MARS1: variants seen among roughly 807,000 people sequenced by gnomAD.
The protein encoded by MARS1 is methionyl-tRNA synthetase 1, also known as methionine--tRNA ligase, cytoplasmic.
In MARS1, 80 loss-of-function variants were observed where a neutral mutation model predicts 119.5. The ratio of observed to expected loss-of-function variants is 0.67; its 90% CI spans 0.56 to 0.81. The LOEUF (loss-of-function observed/expected upper bound fraction) is 0.81. Ranked by LOEUF, MARS1 falls within the 30% of genes least tolerant of loss-of-function variation. The pLI is 0.00. For missense variants in MARS1, 945 were observed against 1,116.5 expected, an observed-to-expected ratio of 0.85 and a Z score of 2.19; for synonymous variants, 418 against 433.4, an observed-to-expected ratio of 0.96 and a Z score of 0.44.
At chr12:57,506,104 A>G (rs1877167717) in intron 11 of MARS1, among the ~76,000 whole-genome samples, 1 of 152,122 alleles carries the variant, frequency 6.6e-6, no homozygotes, top group Non-Finnish European at 1.5e-5. Flanking sequence ...CAAAAAATAC[A>G]GAAGTTAACT....
chr12:57,508,333 G>A (rs377643001), intron 11 of MARS1, among the ~76,000 whole-genome samples: 7 of 151,950 alleles, frequency 4.6e-5, no homozygotes, highest in African/African-American at 1.5e-4. Context: ...AGGTTGTAGC[G>A]AGCCGAGATC....
intron 11 of MARS1, among the ~76,000 whole-genome samples, chr12:57,509,775 G>C (rs915800216): frequency 6.6e-6 from 1 of 152,064 alleles, no homozygotes. Flanking sequence ...AGAGTTCTTC[G>C]TCACTTTCTC....
At position 57,507,966 on chromosome 12, in the gene MARS1, G is replaced by A. The variant is rs570628946; in HGVS notation, c.1368+3667G>A. On this transcript the variant is annotated intron_variant, in intron 11 of 20. Transcript: ENST00000262027. ...AGATGGGGCGGCTGCCGGGCGGAGG[G>A]TCTCCTCACTTCTCAGACGCGGCGG... Among the ~76,000 whole-genome samples the A allele has an allele frequency of 2.0e-5, 3 of 151,242 alleles. No homozygotes were observed. In the South Asian group the frequency reaches 6.3e-4, roughly 32 times the overall value.
intron 7 of MARS1, among the ~76,000 whole-genome samples, chr12:57,493,495 T>TAATATATTATAATA (rs1474121912): frequency 1.3e-3 from 2 of 1,576 alleles, no homozygotes; most frequent in African/African-American, 2.5e-3. Context: ...ATATAATATA[T>TAATATATTATAATA]TATAATATAT....
intron 14 of MARS1, 59 bp downstream of exon 14, chr12:57,512,412 A>G: frequency 2.5e-6 from 3 of 1,218,530 alleles, no homozygotes; most frequent in Non-Finnish European, 3.6e-6. Flanking sequence ...GTGAGGCAGT[A>G]CTTGGAAAAA....
At chr12:57,488,675 G>A in intron 1 of MARS1, 2 of 1,546,614 alleles carry the variant, frequency 1.3e-6, no homozygotes, top group Non-Finnish European at 1.7e-6. Flanking sequence ...AGTCTTCTCA[G>A]TTCTTTTAAT....
intron 11 of MARS1, 60 bp from the exon 12 acceptor site, chr12:57,511,638 T>A (rs1332087003): frequency 3.2e-6 from 5 of 1,579,156 alleles, no homozygotes; most frequent in African/African-American, 2.7e-5. Context: ...TATGTGTTTA[T>A]CCTTATGCTA....
At chr12:57,507,583 C>T (rs1292736176) in intron 11 of MARS1, among the ~76,000 whole-genome samples, 6 of 143,462 alleles carry the variant, frequency 4.2e-5, no homozygotes, top group African/African-American at 1.0e-4. Flanking sequence ...CCTCACCTCC[C>T]GGACGGGGCG....
At chr12:57,500,060 A>G (rs1325980705) in intron 9 of MARS1, 5 of 456,194 alleles carry the variant, frequency 1.1e-5, no homozygotes, top group Non-Finnish European at 2.0e-5. Context: ...TGAAAAATAC[A>G]AAACAGATAA....
chr12:57,493,347 A>T (rs1195402399), intron 7 of MARS1, among the ~76,000 whole-genome samples: 2 of 81,030 alleles, frequency 2.5e-5, no homozygotes, highest in Non-Finnish European at 4.3e-5. Context: ...ATGTTATATA[A>T]TATATATTAT....
intron 1 of MARS1, 52 bp from the exon 2 acceptor site, chr12:57,488,967 T>G: frequency 7.4e-7 from 1 of 1,357,884 alleles, no homozygotes; most frequent in Non-Finnish European, 1.1e-6. Context: ...TGACAAAGTA[T>G]TTCTTTTCTT....
At position 57,515,339 on chromosome 12, in the gene MARS1, A is replaced by T. The variant is rs995030286; in HGVS notation, c.2391+3A>T. ...CAGCAGGACACCAGATTGGCACAGT[A>T]GGTGGAAGAGCCAGCCTCTCTTAAA... On this transcript the variant is annotated splice_donor_region_variant and intron_variant, in intron 18 of 20. Transcript: ENST00000262027. The T allele has an allele frequency of 3.1e-6, 5 of 1,611,420 alleles. No homozygotes were observed. The highest frequency in any genetic ancestry group is 1.1e-5 in the South Asian group (1 of 91,036).
chr12:57,498,152 A>G lies in MARS1; in HGVS notation c.771-5A>G. 6.3e-7 allele frequency: 1 copy of G among 1,597,522 alleles called. No homozygotes were observed. The highest frequency in any genetic ancestry group is 8.6e-7 in the Non-Finnish European group (1 of 1,164,876). ...TGCACTGTTCTCTTCCTCTTTCCTTACTAGGTTGCCTGTGGCTGGAGAAAG... is the reference window on the plus strand; with the variant it reads ...TGCACTGTTCTCTTCCTCTTTCCTTGCTAGGTTGCCTGTGGCTGGAGAAAG... On this transcript the variant is annotated splice_region_variant and splice_polypyrimidine_tract_variant and intron_variant, in intron 7 of 20. Transcript: ENST00000262027.
chr12:57,490,000 T>G (rs1160242092), intron 5 of MARS1, 29 bp downstream of exon 5: 4 of 1,602,360 alleles, frequency 2.5e-6, no homozygotes, highest in Non-Finnish European at 1.7e-6. Flanking sequence ...ACTCCAACCC[T>G]AGGAGCTTGG....
chr12:57,505,224 C>T (rs1314249188), intron 11 of MARS1, among the ~76,000 whole-genome samples: 1 of 151,278 alleles, frequency 6.6e-6, no homozygotes, highest in African/African-American at 2.4e-5. Flanking sequence ...TGCAATGGCA[C>T]GGTCTCGGCT....
chr12:57,489,178 T>G, intron 2 of MARS1, 69 bp downstream of exon 2: 1 of 1,599,040 alleles, frequency 6.3e-7, no homozygotes, highest in Non-Finnish European at 8.6e-7. Flanking sequence ...TTGTGTGGCT[T>G]TATTTGCAGC....
chr12:57,510,461 A>T (rs1409328440), intron 11 of MARS1, among the ~76,000 whole-genome samples: 1 of 151,842 alleles, frequency 6.6e-6, no homozygotes, highest in African/African-American at 2.4e-5. Flanking sequence ...CAGCTGAGCA[A>T]GACTCCAGCT....
intron 4 of MARS1, 51 bp downstream of exon 4, chr12:57,489,609 TAA>T: frequency 1.2e-6 from 2 of 1,610,160 alleles, no homozygotes; most frequent in South Asian, 1.1e-5. Flanking sequence ...GTGTAAGGAT[TAA>T]GAGGGAAGAC....
Position 57,512,866 on chromosome 12 carries a change from C to G in MARS1, c.1869C>G (p.Tyr623Ter). 6.2e-7 allele frequency: 1 copy of G among 1,614,254 alleles called. No homozygotes were observed. Among genetic ancestry groups the G allele is most frequent in the Non-Finnish European group, 8.5e-7 (1 of 1,180,038 alleles). ...ACATCTGGCGCTTCTATCTGCTGTA[C>G]ATTCGGCCTGAGGGCCAGGACAGTG... The part of the protein sequence containing the change: ...PADIWRFYLL[Y>*]IRPEGQDSAF... Residue 623 changes from tyrosine (Y) to a stop codon, truncating the protein, a stop_gained, in exon 15 of 21, where the codon TAC becomes TAG. Coordinates refer to ENST00000262027, the MANE Select transcript of MARS1 (RefSeq NM_004990.4). LOFTEE classifies it high-confidence loss of function.
Sources: allele counts gnomAD v4.1 joint callset (sites outside exome capture counted in the v4.1 genomes callset), GRCh38; gene constraint gnomAD v4.1.1; transcripts MANE v1.5; gene names NCBI Gene and HGNC (gene_info 2026-07-23, HGNC 2026-07-21).